The following AKIP1 variants were observed in gnomAD, a reference collection of about 807,000 sequenced individuals.
AKIP1 encodes A-kinase interacting protein 1.
AKIP1 carries 18 observed loss-of-function variants against 22.3 expected under a neutral mutation model. The observed-to-expected ratio is 0.81, with a 90% CI of 0.56 to 1.19. The LOEUF (loss-of-function observed/expected upper bound fraction) is 1.19, where lower values mean the gene tolerates loss of function less well. Ranked by LOEUF, AKIP1 falls within the 50% of genes most tolerant of loss-of-function variation. The probability of loss-of-function intolerance (pLI) is 0.00; values close to 1 mark genes in which losing one functional copy is unlikely to be tolerated. For missense variants in AKIP1, 287 were observed against 264.6 expected (o/e 1.08, Z -0.59); for synonymous variants, 120 against 102.7 (o/e 1.17, Z -1.02).
intron 3 of AKIP1, among the ~76,000 whole-genome samples, chr11:8,914,464 G>A (rs1336448100): frequency 6.6e-6 from 1 of 152,124 alleles, no homozygotes; most frequent in Non-Finnish European, 1.5e-5. Context: ...ACATGGAACC[G>A]TTCATCCACA....
At chr11:8,918,860 C>A (rs1369263271) in intron 5 of AKIP1, among the ~76,000 whole-genome samples, 1 of 152,212 alleles carries the variant, frequency 6.6e-6, no homozygotes, top group Non-Finnish European at 1.5e-5. Flanking sequence ...TTGTTCTGAG[C>A]TTTAGGACAA....
chr11:8,914,084 T>A (rs934455993), intron 3 of AKIP1, among the ~76,000 whole-genome samples: 2 of 152,222 alleles, frequency 1.3e-5, no homozygotes, highest in African/African-American at 2.4e-5. Flanking sequence ...CTAAAACACA[T>A]CTTTAGGTCT....
intron 3 of AKIP1, 43 bp from the exon 4 acceptor site, chr11:8,914,783 A>G (rs1172543731): frequency 6.6e-7 from 1 of 1,505,342 alleles, no homozygotes; most frequent in Non-Finnish European, 9.2e-7. Flanking sequence ...AAAATTTGAC[A>G]AGACAATTTG....
chr11:8,916,943 TG>T (rs1395686754), intron 4 of AKIP1, among the ~76,000 whole-genome samples: 1 of 152,204 alleles, frequency 6.6e-6, no homozygotes, highest in African/African-American at 2.4e-5. Context: ...AGAGCCTAAG[TG>T]CCACTTTTGC....
chr11:8,911,833 A>G (rs1344372050), intron 2 of AKIP1, among the ~76,000 whole-genome samples, 162 bp downstream of exon 2: 2 of 151,850 alleles, frequency 1.3e-5, no homozygotes, highest in East Asian at 2.0e-4. Context: ...AACGCTTTAC[A>G]TTTGACAGAT....
At chr11:8,912,385 C>T in intron 2 of AKIP1, 68 bp from the exon 3 acceptor site, 1 of 1,325,684 alleles carries the variant, frequency 7.5e-7, no homozygotes, top group East Asian at 2.3e-5. Context: ...GAGACTATTT[C>T]CAAAATGGCT....
At position 8,916,911 on chromosome 11, in the gene AKIP1, A is replaced by C. The variant is rs565822350; in HGVS notation, c.409-376A>C. Among the ~76,000 whole-genome samples, 7 of 152,342 alleles carry C rather than the reference A, an allele frequency of 4.6e-5. No homozygotes were observed. In the East Asian group the frequency reaches 1.3e-3, roughly 29 times the overall value. On this transcript the variant is annotated intron_variant, in intron 4 of 5. Coordinates refer to ENST00000309377, the MANE Select transcript of AKIP1 (RefSeq NM_020642.4). ...CTAGGACCACCCCCACTCCTAGAAG[A>C]AGCACAGAAGAGAATGTATTGAGAG...
chr11:8,914,708 T>A, intron 3 of AKIP1, 118 bp from the exon 4 acceptor site: 1 of 687,870 alleles, frequency 1.5e-6, no homozygotes. Flanking sequence ...AGAGGGCAGG[T>A]AATTCACCTT....
rs548430743 is a variant in AKIP1, at chr11:8,911,671, G to A, written c.222G>A (p.Glu74=). 1.2e-5 allele frequency: 19 copies of A among 1,531,090 alleles called. No individual in the cohort carries two copies. The East Asian group carries it at 3.7e-4, about 30-fold the overall frequency. The allele number at this position is 1,531,090 out of a possible 1,614,324, so 94.8% of individuals were successfully genotyped here. A position where few individuals can be genotyped will look rare whatever the true frequency, so the allele number is the denominator to read the frequency against. Residue 74 remains glutamate (E), a splice_region_variant and synonymous_variant, in exon 2 of 6, where the codon GAG becomes GAA. Transcript: ENST00000309377. ...AAGPQRVLPG[E]REERPPTLSA... is the part of the protein sequence containing the mutation. ...GCCCGCAGCGCGTTCTCCCGGGAGA[G>A]GTGAGGGTCGCTGTGCCGGGGGCCG...
rs1354840429 is a variant in AKIP1, at chr11:8,919,662, A to G, written c.*182A>G. 2 of 638,244 alleles carry G rather than the reference A, an allele frequency of 3.1e-6. No homozygotes were observed. Among genetic ancestry groups the G allele is most frequent in the Non-Finnish European group, 5.2e-6 (2 of 384,552 alleles). 39.5% of individuals were successfully genotyped at this position (638,244 alleles called of 1,614,324 possible). On this transcript the variant is annotated 3_prime_UTR_variant, in exon 6 of 6. Transcript: ENST00000309377. The stretch of plus-strand genomic sequence containing the variant: ...TGTTTGGTTGGTTTTTTTTTGAGAC[A>G]GTCTCACTCTGTTGCCCAGGCTGGA...
At chr11:8,912,245 G>A (rs1262358897) in intron 2 of AKIP1, among the ~76,000 whole-genome samples, 1 of 151,110 alleles carries the variant, frequency 6.6e-6, no homozygotes, top group Non-Finnish European at 1.5e-5. Flanking sequence ...TCTGATAGTA[G>A]AGGAAAGCCT....
In AKIP1 at chr11:8,919,599, C is replaced by A; in HGVS notation, c.*119C>A. 8.8e-7 allele frequency: 1 copy of A among 1,137,398 alleles called. No homozygotes were observed. Among genetic ancestry groups the A allele is most frequent in the Non-Finnish European group, 1.3e-6 (1 of 796,468 alleles). 70.5% of individuals were successfully genotyped at this position (1,137,398 alleles called of 1,614,324 possible). ...TTTAGTGCTGACTGGGTCAGCCTTC[C>A]GGGAACTGGAGTCTGTCTCTTTCAG... On this transcript the variant is annotated 3_prime_UTR_variant, in exon 6 of 6. Transcript: ENST00000309377.
chr11:8,912,859 G>GT (rs2064411520), intron 3 of AKIP1, among the ~76,000 whole-genome samples: 1 of 134,056 alleles, frequency 7.5e-6, no homozygotes, highest in African/African-American at 2.6e-5. Context: ...AAATATTAGG[G>GT]GTTTTTTTTA....
At chr11:8,915,866 C>T (rs1249017968) in intron 4 of AKIP1, among the ~76,000 whole-genome samples, 7 of 149,504 alleles carry the variant, frequency 4.7e-5, no homozygotes, top group Admixed American at 1.3e-4. Flanking sequence ...CTCTGTTGCC[C>T]GGGCTGGAGT....
At chr11:8,911,302 C>T (rs557228700) in intron 1 of AKIP1, 79 bp downstream of exon 1, 4 of 715,550 alleles carry the variant, frequency 5.6e-6, no homozygotes, top group African/African-American at 1.8e-5. Flanking sequence ...CCTGGCTGGG[C>T]TCCCGCTGGA....
intron 3 of AKIP1, among the ~76,000 whole-genome samples, chr11:8,913,838 A>G (rs1264533191): frequency 6.6e-6 from 1 of 152,216 alleles, no homozygotes; most frequent in African/African-American, 2.4e-5. Flanking sequence ...GTTTTACAAA[A>G]ATCAATAGCC....
chr11:8,912,387 A>G, intron 2 of AKIP1, 66 bp from the exon 3 acceptor site: 1 of 1,352,086 alleles, frequency 7.4e-7, no homozygotes. Context: ...GACTATTTCC[A>G]AAATGGCTTC....
Position 8,911,237 on chromosome 11 carries a change from CTAA to C in AKIP1, c.-7+15_-7+17del. On this transcript the variant is annotated intron_variant, in intron 1 of 5. Coordinates refer to ENST00000309377, the MANE Select transcript of AKIP1 (RefSeq NM_020642.4). Reference sequence around the variant, plus strand: ...CGAGTGAGCCGGGTGAGGGGGCTCCCTAAGTAGCGGAAGGGGTAGATGAAAATG... The same window carrying C: ...CGAGTGAGCCGGGTGAGGGGGCTCCCGTAGCGGAAGGGGTAGATGAAAATG... 2 of 572,350 alleles carry C rather than the reference CTAA, an allele frequency of 3.5e-6. No homozygotes were observed. The highest frequency in any genetic ancestry group is 2.2e-5 in the South Asian group (1 of 45,586). The allele number at this position is 572,350 out of a possible 1,614,324, so 35.5% of individuals were successfully genotyped here. A position where few individuals can be genotyped will look rare whatever the true frequency, so the allele number is the denominator to read the frequency against.
intron 3 of AKIP1, among the ~76,000 whole-genome samples, chr11:8,912,860 GT>G (rs1384788977): frequency 3.3e-4 from 40 of 119,700 alleles, no homozygotes; most frequent in African/African-American, 5.5e-4. Context: ...AATATTAGGG[GT>G]TTTTTTTAAC....
Sources: gnomAD v4.1 joint callset for allele counts (sites outside exome capture counted in the v4.1 genomes callset) on GRCh38, gnomAD v4.1.1 for gene constraint, MANE v1.5 for transcripts, NCBI Gene and HGNC (gene_info 2026-07-23, HGNC 2026-07-21) for gene names.